The following RCC1L variants were observed in gnomAD, a reference collection of about 807,000 sequenced individuals.
RCC1L encodes RCC1-like G exchanging factor-like protein.
In RCC1L, 46 loss-of-function variants were observed where a neutral mutation model predicts 58.6. That is an observed-to-expected ratio of 0.79 (90% CI 0.62 to 1.00). The LOEUF (loss-of-function observed/expected upper bound fraction) is 1.00. Among genes scored for constraint, RCC1L ranks in the 50% least tolerant of loss-of-function variants. RCC1L has a pLI of 0.00. For missense variants in RCC1L, 636 were observed against 623.6 expected (o/e 1.02, Z -0.21); for synonymous variants, 281 against 262.9 (o/e 1.07, Z -0.67).
At chr7:75,067,805 A>C (rs1806554081) in intron 2 of RCC1L, among the ~76,000 whole-genome samples, 1 of 151,928 alleles carries the variant, frequency 6.6e-6, no homozygotes, top group East Asian at 1.9e-4. Context: ...TGATCATGAC[A>C]CTGCACTCCA....
intron 8 of RCC1L, 107 bp from the exon 9 acceptor site, chr7:75,056,181 TTTTG>T: frequency 1.5e-6 from 2 of 1,362,800 alleles, no homozygotes; most frequent in Non-Finnish European, 2.1e-6. Context: ...CACGGTTTTT[TTTTG>T]TTTTTTTTTT....
downstream of RCC1L, among the ~76,000 whole-genome samples, chr7:75,041,646 G>C (rs1303506264): frequency 6.6e-6 from 1 of 151,952 alleles, no homozygotes; most frequent in Non-Finnish European, 1.5e-5. Context: ...ATCGTCTGAG[G>C]TCAGGAGTTC....
chr7:75,071,924 T>TA (rs1317077237), intron 1 of RCC1L, among the ~76,000 whole-genome samples: 4 of 151,066 alleles, frequency 2.6e-5, no homozygotes, highest in Non-Finnish European at 4.4e-5. Flanking sequence ...ATTTTGAGCC[T>TA]AGGCAACAAA....
At chr7:75,033,071 CAA>C (rs71098024) in intron 10 of RCC1L, among the ~76,000 whole-genome samples, 837 of 70,128 alleles carry the variant, frequency 0.012, 3 homozygotes, top group Middle Eastern at 0.081. Context: ...GACTTTGTCT[CAA>C]AAAAAAAAAA....
chr7:75,040,258 G>A (rs925617929), downstream of RCC1L, among the ~76,000 whole-genome samples: 5 of 152,134 alleles, frequency 3.3e-5, no homozygotes, highest in African/African-American at 9.7e-5. Context: ...TCAGGAGTTC[G>A]AGACCAGCCT....
downstream of RCC1L, among the ~76,000 whole-genome samples, chr7:75,040,261 A>G (rs934588316): frequency 6.6e-6 from 1 of 152,202 alleles, no homozygotes; most frequent in Admixed American, 6.5e-5. Context: ...GGAGTTCGAG[A>G]CCAGCCTGGC....
In RCC1L at chr7:75,058,701, T is replaced by C. The variant is rs1806166032; in HGVS notation, c.856A>G (p.Ile286Val). Residue 286 changes from isoleucine (I) to valine (V), a missense_variant, in exon 7 of 11, where the codon ATC (isoleucine) becomes GTC (valine). Transcript: ENST00000610322. ...LGGDLAGVNV[I>V]QVATYGDCCL... is the part of the protein sequence containing the mutation. ...CAATCACCGTAGGTGGCAACTTGGATAACGTTCACTCCCGCCAGGTCTCCA... is the reference window on the plus strand; with the variant it reads ...CAATCACCGTAGGTGGCAACTTGGACAACGTTCACTCCCGCCAGGTCTCCA... The C allele has an allele frequency of 5.0e-6, 8 of 1,613,852 alleles. 1 individual carries two copies. In the South Asian group the frequency reaches 8.8e-5, roughly 18 times the overall value.
chr7:75,041,087 A>G (rs1217771087), downstream of RCC1L, among the ~76,000 whole-genome samples: 2 of 151,902 alleles, frequency 1.3e-5, no homozygotes, highest in Admixed American at 6.6e-5. Context: ...GTGTGGTGGC[A>G]GGCACCTATA....
chr7:75,029,634 C>A (rs979703200), intron 10 of RCC1L, among the ~76,000 whole-genome samples: 2 of 152,090 alleles, frequency 1.3e-5, no homozygotes, highest in African/African-American at 4.8e-5. Flanking sequence ...ATGAGATACC[C>A]CGCCTGGCCA....
chr7:75,056,880 T>C (rs913630766), intron 8 of RCC1L, among the ~76,000 whole-genome samples: 1 of 152,184 alleles, frequency 6.6e-6, no homozygotes, highest in South Asian at 2.1e-4. Context: ...GGCATGATCA[T>C]AGCTCACTGC....
At chr7:75,055,672 C>T (rs1470288320) in intron 9 of RCC1L, 2 of 585,504 alleles carry the variant, frequency 3.4e-6, no homozygotes, top group African/African-American at 3.8e-5. Context: ...TCACGTTAGC[C>T]TACCCACAAA....
chr7:75,073,160 G>T (rs1806828383), intron 1 of RCC1L, among the ~76,000 whole-genome samples: 2 of 152,166 alleles, frequency 1.3e-5, no homozygotes, highest in African/African-American at 4.8e-5. Context: ...CCCTGTAATT[G>T]GGAATAACTG....
chr7:75,042,105 G>A, downstream of RCC1L: 1 of 847,632 alleles, frequency 1.2e-6, no homozygotes, highest in South Asian at 5.4e-5. Context: ...ACTGGCTTCT[G>A]CCTCTGTATC....
rs1584496309 is a variant in RCC1L, at chr7:75,056,067, T to C, written c.1065A>G (p.Gly355=). 1 of 1,613,972 alleles carries C rather than the reference T, an allele frequency of 6.2e-7. No homozygotes were observed. The highest frequency in any genetic ancestry group is 8.5e-7 in the Non-Finnish European group (1 of 1,179,858). Residue 355 remains glycine, a synonymous_variant, in exon 9 of 11, where the codon GGA becomes GGG. Transcript: ENST00000610322. Reference sequence around the variant, plus strand: ...TTCCATAGCCCCAGACAAAAACATGTCCTTCTCCTACATTACAGTAAAAAC... The same window carrying C: ...TTCCATAGCCCCAGACAAAAACATGCCCTTCTCCTACATTACAGTAAAAAC... ...GTGCAVLNGE[G]HVFVWGYGIL...
rs1806199050 is a variant in RCC1L at position 75,059,289 on chromosome 7, G to T, written c.788-520C>A. On this transcript the variant is annotated intron_variant, in intron 6 of 10. Transcript: ENST00000610322. ...CAACTTTTTTTTTTTTTTTGAGACGGTCTCACTCTGTTCCTCTGGCTGCAG... is the reference window on the plus strand; with the variant it reads ...CAACTTTTTTTTTTTTTTTGAGACGTTCTCACTCTGTTCCTCTGGCTGCAG... Among the ~76,000 whole-genome samples the T allele has an allele frequency of 2.0e-5, 3 of 149,034 alleles. No homozygotes were observed. The South Asian group carries it at 6.3e-4, about 31-fold the overall frequency.
intron 10 of RCC1L, among the ~76,000 whole-genome samples, chr7:75,044,289 AAAG>A (rs1805651379): frequency 6.6e-6 from 1 of 152,278 alleles, no homozygotes; most frequent in African/African-American, 2.4e-5. Context: ...ATTCAGTGAA[AAAG>A]AAGAAAAAGC....
At chr7:75,064,437 G>T in intron 4 of RCC1L, 145 bp downstream of exon 4, 1 of 825,634 alleles carries the variant, frequency 1.2e-6, no homozygotes, top group Non-Finnish European at 2.1e-6. Flanking sequence ...GAAACAGACA[G>T]CACTCCCCCA....
chr7:75,073,474 G>A lies in RCC1L; in HGVS notation c.264C>T (p.Ala88=), dbSNP rs782734582. 18 of 1,380,544 alleles carry A rather than the reference G, an allele frequency of 1.3e-5. No homozygotes were observed. In the East Asian group the frequency reaches 5.2e-4, roughly 40 times the overall value. 85.5% of individuals were successfully genotyped at this position (1,380,544 alleles called of 1,614,324 possible). ...VVPSSGPGPR[A]GARPRRRIQP... ...GGATCCTGCGGCGCGGTCGGGCGCC[G>A]GCGCGGGGCCCGGGCCCGGAGCTGG... Residue 88 remains alanine (A), a synonymous_variant, in exon 1 of 11, where the codon GCC becomes GCT. Transcript: ENST00000610322.
chr7:75,066,890 G>T, intron 2 of RCC1L, 98 bp from the exon 3 acceptor site: 2 of 1,443,380 alleles, frequency 1.4e-6, no homozygotes, highest in Non-Finnish European at 9.1e-7. Context: ...AAGAGAGTCG[G>T]AGGTAGGAAA....
Sources: allele counts gnomAD v4.1 joint callset (sites outside exome capture counted in the v4.1 genomes callset), GRCh38; gene constraint gnomAD v4.1.1; transcripts MANE v1.5; gene names NCBI Gene and HGNC (gene_info 2026-07-23, HGNC 2026-07-21).